TIAM1: variants seen among roughly 807,000 people sequenced by gnomAD.
TIAM1 encodes the protein TIAM Rac1 associated GEF 1, also known as rho guanine nucleotide exchange factor TIAM1.
A neutral mutation model predicts 163.5 loss-of-function variants in TIAM1; 65 were observed. The observed-to-expected ratio is 0.40, with a 90% CI of 0.33 to 0.49. The LOEUF is 0.49. Among genes scored for constraint, TIAM1 ranks in the 20% least tolerant of loss-of-function variants. The pLI is 0.77. For missense variants in TIAM1, 1,789 were observed against 2,044.7 expected, an observed-to-expected ratio of 0.87 and a Z score of 2.41; for synonymous variants, 833 against 810.1, an observed-to-expected ratio of 1.03 and a Z score of -0.48.
At chr21:31,169,688 A>G (rs1441434978) in intron 15 of TIAM1, among the ~76,000 whole-genome samples, 2 of 152,180 alleles carry the variant, frequency 1.3e-5, no homozygotes, top group African/African-American at 4.8e-5. Flanking sequence ...ACAAGCGAAA[A>G]TGATAAACAG....
In TIAM1 at chr21:31,322,738, C is replaced by G. The variant is rs553774688; in HGVS notation, c.-189+16505G>C. 4.6e-5 allele frequency among the ~76,000 whole-genome samples: 7 copies of G among 152,348 alleles called. No individual in the cohort carries two copies. The South Asian group carries it at 1.2e-3, about 27-fold the overall frequency. Reference sequence around the variant, plus strand: ...CCGAAACAGCTAACCCACAGTCTGTCCACTGAATTGAGTTATGGCTGAATA... The same window carrying G: ...CCGAAACAGCTAACCCACAGTCTGTGCACTGAATTGAGTTATGGCTGAATA... On this transcript the variant is annotated intron_variant, in intron 2 of 27. Transcript: ENST00000541036.
chr21:31,191,577 A>G (rs2085564457), intron 13 of TIAM1, among the ~76,000 whole-genome samples: 1 of 152,136 alleles, frequency 6.6e-6, no homozygotes, highest in Admixed American at 6.6e-5. Context: ...CATTGCCACA[A>G]CCTCCAAGCA....
intron 13 of TIAM1, among the ~76,000 whole-genome samples, chr21:31,190,679 T>C (rs971556737): frequency 6.6e-6 from 1 of 152,160 alleles, no homozygotes; most frequent in Non-Finnish European, 1.5e-5. Context: ...GGTCTCATGC[T>C]TAGTCTAAGT....
At chr21:31,284,924 T>A (rs1296708242) in intron 2 of TIAM1, among the ~76,000 whole-genome samples, 3 of 152,034 alleles carry the variant, frequency 2.0e-5, no homozygotes, top group African/African-American at 7.2e-5. Flanking sequence ...CGCAAGGGAC[T>A]CTCAGACTCA....
chr21:31,417,068 G>C (rs1471254450), intron 2 of TIAM1, among the ~76,000 whole-genome samples: 2 of 152,066 alleles, frequency 1.3e-5, no homozygotes, highest in African/African-American at 4.8e-5. Context: ...TGTTGCCCAG[G>C]CTGGAGCGCA....
Position 31,210,665 on chromosome 21 carries a change from GAAAAAGAAAGAAAGAAAGAAAA to G in TIAM1, c.2218-472_2218-451del, listed in dbSNP as rs1243873206. Among the ~76,000 whole-genome samples, 35 of 18,682 alleles carry G rather than the reference GAAAAAGAAAGAAAGAAAGAAAA, an allele frequency of 1.9e-3. 7 individuals are homozygous for G. Among genetic ancestry groups the G allele is most frequent in the African/African-American group, 7.2e-3 (33 of 4,572 alleles). The allele number at this position is 18,682 out of a possible 152,430, so 12.3% of individuals were successfully genotyped here. A position where few individuals can be genotyped will look rare whatever the true frequency, so the allele number is the denominator to read the frequency against. ...AGAAAGAAAGAAAGAAAGAAAGAAA[GAAAAAGAAAGAAAGAAAGAAAA>G]AGAAAGAAAGAAAGAAAGAGAAAGA... On this transcript the variant is annotated intron_variant, in intron 10 of 27. Coordinates refer to ENST00000541036, the MANE Select transcript of TIAM1 (RefSeq NM_001353694.2).
intron 2 of TIAM1, among the ~76,000 whole-genome samples, chr21:31,284,920 G>T (rs2073735195): frequency 6.6e-6 from 1 of 151,898 alleles, no homozygotes; most frequent in Non-Finnish European, 1.5e-5. Context: ...GCACCGCAAG[G>T]GACTCTCAGA....
At chr21:31,500,733 T>C (rs553163304) in intron 1 of TIAM1, among the ~76,000 whole-genome samples, 2 of 152,174 alleles carry the variant, frequency 1.3e-5, no homozygotes, top group South Asian at 4.2e-4. Flanking sequence ...TCCAAAGCTT[T>C]CAGAGAAACC....
intron 2 of TIAM1, among the ~76,000 whole-genome samples, chr21:31,326,235 A>G (rs1013717935): frequency 3.9e-5 from 6 of 152,130 alleles, no homozygotes; most frequent in African/African-American, 1.4e-4. Context: ...TTCTCTAGGA[A>G]TGGAGTTGAG....
At position 31,210,748 on chromosome 21, in the gene TIAM1, G is replaced by GAGAAAGAAAGAAAGAAAGAAAGAAAGAA. The variant is rs1272829774; in HGVS notation, c.2218-561_2218-534dup. Among the ~76,000 whole-genome samples the GAGAAAGAAAGAAAGAAAGAAAGAAAGAA allele has an allele frequency of 3.2e-4, 19 of 59,790 alleles. 1 individual carries two copies. The highest frequency in any genetic ancestry group is 4.5e-4 in the Non-Finnish European group (16 of 35,876). 39.2% of individuals were successfully genotyped at this position (59,790 alleles called of 152,430 possible). ...AAGAAAGAGAAAGAAGGAAGGAAGG[G>GAGAAAGAAAGAAAGAAAGAAAGAAAGAA]AGAAAGAAAGAAAGAAAGAAAGAAA... On this transcript the variant is annotated intron_variant, in intron 10 of 27. Transcript: ENST00000541036.
chr21:31,258,341 G>A (rs954386349), intron 4 of TIAM1, among the ~76,000 whole-genome samples: 1 of 152,164 alleles, frequency 6.6e-6, no homozygotes, highest in Non-Finnish European at 1.5e-5. Context: ...GGAATGCACT[G>A]CAGCTGGAGT....
chr21:31,488,010 A>C (rs1271769497), intron 1 of TIAM1, among the ~76,000 whole-genome samples: 1 of 152,178 alleles, frequency 6.6e-6, no homozygotes, highest in Non-Finnish European at 1.5e-5. Context: ...CTTTTAAAAC[A>C]CAAAAATGTA....
chr21:31,492,256 A>G (rs1375976426), intron 1 of TIAM1, among the ~76,000 whole-genome samples: 7 of 152,190 alleles, frequency 4.6e-5, no homozygotes, highest in Non-Finnish European at 1.5e-5. Context: ...AAGATTTTAA[A>G]AAGCTACATA....
intron 5 of TIAM1, among the ~76,000 whole-genome samples, chr21:31,247,919 G>C (rs991468320): frequency 1.3e-5 from 2 of 152,102 alleles, no homozygotes; most frequent in African/African-American, 4.8e-5. Flanking sequence ...AATGGGAGGG[G>C]GAAACCGTTT....
At chr21:31,306,760 C>G (rs534746482) in intron 2 of TIAM1, among the ~76,000 whole-genome samples, 1 of 152,338 alleles carries the variant, frequency 6.6e-6, no homozygotes, top group African/African-American at 2.4e-5. Flanking sequence ...GACTGTGCAA[C>G]TGTTCCTGAC....
chr21:31,290,047 A>G (rs1303428962), intron 2 of TIAM1, among the ~76,000 whole-genome samples: 1 of 152,206 alleles, frequency 6.6e-6, no homozygotes, highest in Non-Finnish European at 1.5e-5. Flanking sequence ...CCCGAAGAGT[A>G]TGCCTACCAC....
chr21:31,191,552 C>T (rs1259218902), intron 13 of TIAM1, among the ~76,000 whole-genome samples: 2 of 152,172 alleles, frequency 1.3e-5, no homozygotes, highest in African/African-American at 4.8e-5. Flanking sequence ...CATTGAGAAC[C>T]TCTTGTAGCT....
chr21:31,555,228 T>C (rs1292517077), intron 1 of TIAM1, among the ~76,000 whole-genome samples: 4 of 150,030 alleles, frequency 2.7e-5, no homozygotes, highest in African/African-American at 4.9e-5. Context: ...TTATATAAAA[T>C]GGAGTACTTA....
intron 2 of TIAM1, among the ~76,000 whole-genome samples, chr21:31,336,425 G>A (rs2075841476): frequency 6.6e-6 from 1 of 151,290 alleles, no homozygotes; most frequent in African/African-American, 2.4e-5. Context: ...AGCAGCTGCA[G>A]TGTGAAAATA....
Sources: gnomAD v4.1 joint callset for allele counts (sites outside exome capture counted in the v4.1 genomes callset) on GRCh38, gnomAD v4.1.1 for gene constraint, MANE v1.5 for transcripts, NCBI Gene and HGNC (gene_info 2026-07-23, HGNC 2026-07-21) for gene names.